Variants in LIMD1 observed in about 807,000 individuals in gnomAD.
The protein encoded by LIMD1 is LIM domain containing 1.
LIMD1 carries 23 observed loss-of-function variants against 58.4 expected under a neutral mutation model. The observed-to-expected ratio is 0.39, with a 90% CI of 0.28 to 0.56. The LOEUF is 0.56. LIMD1 is among the 20% of genes least tolerant of loss of function. The probability of loss-of-function intolerance (pLI) is 0.57; values close to 1 mark genes in which losing one functional copy is unlikely to be tolerated. For synonymous variants in LIMD1, 334 were observed against 345.5 expected, an observed-to-expected ratio of 0.97 and a Z score of 0.37; for missense variants, 838 against 855.5, an observed-to-expected ratio of 0.98 and a Z score of 0.25.
chr3:45,614,583 C>T (rs1465934923), intron 1 of LIMD1, among the ~76,000 whole-genome samples: 3 of 151,262 alleles, frequency 2.0e-5, no homozygotes, highest in Non-Finnish European at 4.4e-5. Context: ...ATTAGCTGGG[C>T]GTGGTGGTGC....
At chr3:45,655,593 C>T (rs995194168) in intron 2 of LIMD1, among the ~76,000 whole-genome samples, 15 of 152,208 alleles carry the variant, frequency 9.9e-5, no homozygotes, top group Non-Finnish European at 2.2e-4. Flanking sequence ...ATCAGCATCA[C>T]TAGGGAACTT....
chr3:45,640,034 G>T (rs1201681080), intron 2 of LIMD1, among the ~76,000 whole-genome samples: 1 of 152,238 alleles, frequency 6.6e-6, no homozygotes, highest in Non-Finnish European at 1.5e-5. Flanking sequence ...GAGTCTGTGG[G>T]TTCCACCCAA....
rs1275996866 is a variant in LIMD1, at chr3:45,685,168, G to A, written c.*8109G>A. On this transcript the variant is annotated 3_prime_UTR_variant, in exon 8 of 8. Transcript: ENST00000273317. ...AACAATTTTACTATAGGAAAAACTTGGCTACAGATATGAATTTATATTACC... is the reference window on the plus strand; with the variant it reads ...AACAATTTTACTATAGGAAAAACTTAGCTACAGATATGAATTTATATTACC... 1 of 152,110 alleles carries A rather than the reference G, an allele frequency of 6.6e-6. No homozygotes were observed. The highest frequency in any genetic ancestry group is 6.6e-5 in the Admixed American group (1 of 15,266). The allele number at this position is 152,110 out of a possible 1,614,324, so 9.4% of individuals were successfully genotyped here. A position where few individuals can be genotyped will look rare whatever the true frequency, so the allele number is the denominator to read the frequency against.
chr3:45,595,489 G>A lies in LIMD1; in HGVS notation c.610G>A (p.Val204Ile). ...PGVSPSIGLS[V>I]GSGWPSSPGS... ...AGTGTCCCCCAGCATCGGCCTGAGT[G>A]TAGGGAGTGGGTGGCCTAGCTCCCC... The change falls in exon 1 of 8, where the codon GTA becomes ATA. Residue 204 changes from valine to isoleucine, a missense_variant. By Grantham distance (29) the Val-to-Ile change is conservative. Coordinates refer to ENST00000273317, the MANE Select transcript of LIMD1 (RefSeq NM_014240.3). 1 of 1,614,016 alleles carries A rather than the reference G, an allele frequency of 6.2e-7. No individual in the cohort carries two copies. Among genetic ancestry groups the A allele is most frequent in the Non-Finnish European group, 8.5e-7 (1 of 1,179,978 alleles).
rs1697801780 is a variant in LIMD1 at position 45,685,773 on chromosome 3, C to T, written c.*8714C>T. ...CATGACCTTAAGCCAATTTAGTTCC[C>T]TCATCTGTAAAAATGGGGATAACAA... On this transcript the variant is annotated 3_prime_UTR_variant, in exon 8 of 8. Coordinates refer to ENST00000273317, the MANE Select transcript of LIMD1 (RefSeq NM_014240.3). The T allele has an allele frequency of 6.6e-6, 1 of 152,236 alleles. No individual in the cohort carries two copies. Among genetic ancestry groups the T allele is most frequent in the South Asian group, 2.1e-4 (1 of 4,830 alleles). 9.4% of individuals were successfully genotyped at this position (152,236 alleles called of 1,614,324 possible).
At chr3:45,615,130 TAAAC>T (rs1476386004) in intron 1 of LIMD1, among the ~76,000 whole-genome samples, 1 of 152,130 alleles carries the variant, frequency 6.6e-6, no homozygotes, top group Non-Finnish European at 1.5e-5. Flanking sequence ...GGAGCCCTCA[TAAAC>T]AAATGAAGAC....
chr3:45,631,283 A>G (rs979607321), intron 1 of LIMD1, among the ~76,000 whole-genome samples: 1 of 151,176 alleles, frequency 6.6e-6, no homozygotes, highest in Admixed American at 6.6e-5. Flanking sequence ...CAGCCTGGCG[A>G]CAGAGTGAGA....
chr3:45,598,937 T>A (rs1178506243), intron 1 of LIMD1, among the ~76,000 whole-genome samples: 1 of 152,188 alleles, frequency 6.6e-6, no homozygotes, highest in Admixed American at 6.5e-5. Flanking sequence ...TGGAAGCTGG[T>A]TCTGCCATTA....
chr3:45,609,843 T>G (rs1385093349), intron 1 of LIMD1, among the ~76,000 whole-genome samples: 1 of 152,214 alleles, frequency 6.6e-6, no homozygotes, highest in Non-Finnish European at 1.5e-5. Context: ...TTTTGTTCAC[T>G]GTTGTATCCC....
At chr3:45,629,698 A>C (rs1163400143) in intron 1 of LIMD1, among the ~76,000 whole-genome samples, 2 of 152,186 alleles carry the variant, frequency 1.3e-5, no homozygotes, top group African/African-American at 4.8e-5. Flanking sequence ...AAGAAGATAC[A>C]AGCAGCTGGA....
chr3:45,638,033 C>CA (rs11444277), intron 2 of LIMD1, among the ~76,000 whole-genome samples: 152,297 of 152,298 alleles, frequency 1, 76,148 homozygotes, highest in Middle Eastern at 1. Flanking sequence ...TGGTACAACA[C>CA]ATTCTTGTCT....
At chr3:45,617,417 C>T (rs192481260) in intron 1 of LIMD1, among the ~76,000 whole-genome samples, 1 of 152,298 alleles carries the variant, frequency 6.6e-6, no homozygotes, top group Admixed American at 6.5e-5. Context: ...CTGCGTTACA[C>T]TCCCAGGCAG....
At chr3:45,676,202 A>G (rs1336052230) in intron 7 of LIMD1, among the ~76,000 whole-genome samples, 2 of 152,146 alleles carry the variant, frequency 1.3e-5, no homozygotes, top group Admixed American at 6.5e-5. Flanking sequence ...AGATCGCACC[A>G]CTGCACTCCA....
intron 1 of LIMD1, among the ~76,000 whole-genome samples, chr3:45,632,310 T>C (rs898485042): frequency 6.6e-6 from 1 of 152,244 alleles, no homozygotes; most frequent in African/African-American, 2.4e-5. Context: ...CATTTTGCCA[T>C]GGCCTGATAT....
chr3:45,637,054 G>A (rs1701796552), intron 2 of LIMD1, among the ~76,000 whole-genome samples: 1 of 152,212 alleles, frequency 6.6e-6, no homozygotes, highest in Non-Finnish European at 1.5e-5. Context: ...TTACAGCAGA[G>A]TCACAGGGTG....
chr3:45,599,556 G>A (rs1349694486), intron 1 of LIMD1, among the ~76,000 whole-genome samples: 1 of 152,230 alleles, frequency 6.6e-6, no homozygotes, highest in Non-Finnish European at 1.5e-5. Context: ...GCCAGCCCCA[G>A]TGGTGGCATG....
chr3:45,649,006 G>C (rs1269039218), intron 2 of LIMD1, among the ~76,000 whole-genome samples: 1 of 152,134 alleles, frequency 6.6e-6, no homozygotes, highest in Non-Finnish European at 1.5e-5. Context: ...TTCATTTCTT[G>C]ATGGTATTGT....
intron 2 of LIMD1, among the ~76,000 whole-genome samples, chr3:45,649,704 G>A (rs71325080): frequency 0.041 from 3,672 of 89,816 alleles, 68 homozygotes; most frequent in Non-Finnish European, 0.075. Context: ...TTATATATAT[G>A]TATACATATA....
At chr3:45,672,251 C>G (rs1485757614) in intron 4 of LIMD1, among the ~76,000 whole-genome samples, 1 of 152,132 alleles carries the variant, frequency 6.6e-6, no homozygotes, top group Non-Finnish European at 1.5e-5. Flanking sequence ...TTCATTTTTC[C>G]GAGTACTTGC....
Sources: allele counts gnomAD v4.1 joint callset (sites outside exome capture counted in the v4.1 genomes callset), GRCh38; gene constraint gnomAD v4.1.1; transcripts MANE v1.5; gene names NCBI Gene and HGNC (gene_info 2026-07-23, HGNC 2026-07-21).